CNTN5: variants seen among roughly 807,000 people sequenced by gnomAD.
The protein encoded by CNTN5 is contactin-5.
In CNTN5, 77 loss-of-function variants were observed where a neutral mutation model predicts 129.1. The ratio of observed to expected loss-of-function variants is 0.60; its 90% CI spans 0.50 to 0.72. CNTN5 has a LOEUF of 0.72. CNTN5 is among the 30% of genes least tolerant of loss of function. The pLI, the probability that CNTN5 is intolerant of heterozygous loss-of-function variation, is 0.00. For missense variants in CNTN5, 1,478 were observed against 1,328.8 expected (o/e 1.11, Z -1.75); for synonymous variants, 509 against 465.6 (o/e 1.09, Z -1.20).
chr11:99,849,729 T>A (rs1947813310), intron 6 of CNTN5, among the ~76,000 whole-genome samples: 1 of 152,170 alleles, frequency 6.6e-6, no homozygotes, highest in Non-Finnish European at 1.5e-5. Context: ...CAGACGATGC[T>A]CTGTTTCAAA....
intron 1 of CNTN5, among the ~76,000 whole-genome samples, chr11:99,259,235 CT>C (rs1362513653): frequency 2.0e-5 from 3 of 151,558 alleles, no homozygotes; most frequent in Non-Finnish European, 4.4e-5. Context: ...CATATTCTTG[CT>C]TTTTTTGTAT....
intron 7 of CNTN5, among the ~76,000 whole-genome samples, chr11:99,923,589 C>A (rs1418791978): frequency 6.6e-6 from 1 of 151,868 alleles, no homozygotes; most frequent in African/African-American, 2.4e-5. Flanking sequence ...GGGTATATAC[C>A]CAGTAATGGG....
intron 3 of CNTN5, among the ~76,000 whole-genome samples, chr11:99,702,646 C>G (rs190807495): frequency 4.6e-5 from 7 of 150,958 alleles, no homozygotes; most frequent in Non-Finnish European, 1.0e-4. Flanking sequence ...ATATTCACTC[C>G]AGCAGCATTT....
At chr11:100,143,792 G>T (rs780482994) in intron 13 of CNTN5, among the ~76,000 whole-genome samples, 8 of 152,100 alleles carry the variant, frequency 5.3e-5, no homozygotes, top group Non-Finnish European at 1.0e-4. Flanking sequence ...GAGCTTTCAC[G>T]GGAAAGGGAC....
At chr11:99,789,288 G>A (rs1716727533) in intron 3 of CNTN5, among the ~76,000 whole-genome samples, 2 of 152,004 alleles carry the variant, frequency 1.3e-5, no homozygotes, top group African/African-American at 2.4e-5. Flanking sequence ...AACAGCCACA[G>A]TGAAGTAGTT....
chr11:99,502,438 C>T (rs72991574), intron 2 of CNTN5, among the ~76,000 whole-genome samples: 31,105 of 151,878 alleles, frequency 0.2, 3,443 homozygotes, highest in Non-Finnish European at 0.25. Flanking sequence ...GTTTCCTCCA[C>T]GCTGTTCTCA....
chr11:99,938,496 C>T (rs1413354079), intron 7 of CNTN5, among the ~76,000 whole-genome samples: 1 of 151,992 alleles, frequency 6.6e-6, no homozygotes, highest in Non-Finnish European at 1.5e-5. Context: ...GGAATCATGG[C>T]ACATAATGGG....
intron 3 of CNTN5, among the ~76,000 whole-genome samples, chr11:99,666,950 T>C (rs1173725114): frequency 6.6e-6 from 1 of 152,104 alleles, no homozygotes. Context: ...TTAATTGATA[T>C]GTTTATATCT....
chr11:99,112,813 T>G (rs1247588284), intron 1 of CNTN5, among the ~76,000 whole-genome samples: 1 of 152,038 alleles, frequency 6.6e-6, no homozygotes, highest in African/African-American at 2.4e-5. Flanking sequence ...TCACTGAAAT[T>G]TTGTCTAACA....
At chr11:99,160,423 A>G (rs1427969341) in intron 1 of CNTN5, among the ~76,000 whole-genome samples, 3 of 152,294 alleles carry the variant, frequency 2.0e-5, no homozygotes, top group East Asian at 1.9e-4. Flanking sequence ...ACCTCTTTCC[A>G]TCATCCTAAT....
At chr11:100,311,174 G>A (rs568710216) in intron 21 of CNTN5, among the ~76,000 whole-genome samples, 12 of 151,988 alleles carry the variant, frequency 7.9e-5, no homozygotes, top group African/African-American at 2.7e-4. Context: ...GGTAGCAGTG[G>A]AGTTGATAAG....
At chr11:99,998,986 A>G (rs1019146256) in intron 8 of CNTN5, among the ~76,000 whole-genome samples, 1 of 151,990 alleles carries the variant, frequency 6.6e-6, no homozygotes, top group African/African-American at 2.4e-5. Flanking sequence ...CCTTCCTTAC[A>G]CCTTATACAA....
chr11:99,811,709 T>G (rs1344396842), intron 3 of CNTN5, among the ~76,000 whole-genome samples: 1 of 151,882 alleles, frequency 6.6e-6, no homozygotes, highest in African/African-American at 2.4e-5. Flanking sequence ...ATGAAGGTAT[T>G]AATATTTACT....
chr11:99,199,450 T>G (rs570231612), intron 1 of CNTN5, among the ~76,000 whole-genome samples: 2 of 152,290 alleles, frequency 1.3e-5, no homozygotes, highest in Admixed American at 6.5e-5. Context: ...AATATGACAT[T>G]CTACAAATCA....
At chr11:100,304,263 A>C (rs547822536) in intron 20 of CNTN5, among the ~76,000 whole-genome samples, 4 of 151,808 alleles carry the variant, frequency 2.6e-5, no homozygotes, top group African/African-American at 9.6e-5. Flanking sequence ...TAACAGAAAA[A>C]AAAAGAGGTT....
At chr11:99,851,234 G>A (rs953398040) in intron 6 of CNTN5, among the ~76,000 whole-genome samples, 1 of 152,150 alleles carries the variant, frequency 6.6e-6, no homozygotes, top group African/African-American at 2.4e-5. Flanking sequence ...TCACAAGGGT[G>A]TAGTAAAAAT....
chr11:100,101,253 A>G (rs1945213209), intron 13 of CNTN5, among the ~76,000 whole-genome samples: 1 of 152,122 alleles, frequency 6.6e-6, no homozygotes, highest in Non-Finnish European at 1.5e-5. Context: ...CAAAAGTAGC[A>G]TTCATGCAAG....
At chr11:99,733,051 C>T (rs552395840) in intron 3 of CNTN5, among the ~76,000 whole-genome samples, 7 of 152,122 alleles carry the variant, frequency 4.6e-5, no homozygotes, top group East Asian at 3.9e-4. Flanking sequence ...CTTGGCCGGG[C>T]GCGGTGGCTC....
chr11:99,055,081 G>C (rs906692756), intron 1 of CNTN5, among the ~76,000 whole-genome samples: 3 of 151,870 alleles, frequency 2.0e-5, no homozygotes, highest in African/African-American at 7.3e-5. Context: ...TCTGGGCTAG[G>C]TCCCTAGAAT....
Sources: allele counts gnomAD v4.1 joint callset (sites outside exome capture counted in the v4.1 genomes callset), GRCh38; gene constraint gnomAD v4.1.1; transcripts MANE v1.5; gene names NCBI Gene and HGNC (gene_info 2026-07-23, HGNC 2026-07-21).